The following RASGRF2 variants were observed in gnomAD, a reference collection of about 807,000 sequenced individuals.
The protein encoded by RASGRF2 is ras-specific guanine nucleotide-releasing factor 2.
A neutral mutation model predicts 151.0 loss-of-function variants in RASGRF2; 76 were observed. The observed-to-expected ratio is 0.50, with a 90% CI of 0.42 to 0.61. The LOEUF (loss-of-function observed/expected upper bound fraction) is 0.61. Among genes scored for constraint, RASGRF2 ranks in the 20% least tolerant of loss-of-function variants. RASGRF2 has a pLI of 0.00. For synonymous variants in RASGRF2, 504 were observed against 566.5 expected (o/e 0.89, Z 1.57); for missense variants, 1,148 against 1,564.6 (o/e 0.73, Z 4.49).
At chr5:81,177,724 A>G (rs1428765158) in intron 17 of RASGRF2, among the ~76,000 whole-genome samples, 1 of 152,094 alleles carries the variant, frequency 6.6e-6, no homozygotes, top group East Asian at 1.9e-4. Flanking sequence ...GCCGTGAGAT[A>G]TGTAATGGGG....
At chr5:81,162,454 T>G (rs1754406237) in intron 17 of RASGRF2, among the ~76,000 whole-genome samples, 1 of 152,136 alleles carries the variant, frequency 6.6e-6, no homozygotes, top group Admixed American at 6.6e-5. Context: ...TTCAAATGAT[T>G]CTCCTGCCTT....
In RASGRF2 at chr5:80,961,149, C is replaced by T. The variant is rs1029389899; in HGVS notation, c.288+123C>T. The T allele has an allele frequency of 1.0e-5, 12 of 1,150,560 alleles. No homozygotes were observed. The African/African-American group carries it at 1.6e-4, about 15-fold the overall frequency. The allele number at this position is 1,150,560 out of a possible 1,614,324, so 71.3% of individuals were successfully genotyped here. On this transcript the variant is annotated intron_variant, in intron 1 of 26. Transcript: ENST00000265080. ...GCGGGGACTATGCTCCGAAATCCCC[C>T]CGCGTCACCAGTGGCGGGACATCTC...
intron 18 of RASGRF2, among the ~76,000 whole-genome samples, chr5:81,190,686 A>G (rs1755136819): frequency 6.6e-6 from 1 of 152,188 alleles, no homozygotes; most frequent in African/African-American, 2.4e-5. Context: ...TGAACTATTT[A>G]CCAAAGTTTT....
intron 12 of RASGRF2, 57 bp downstream of exon 12, chr5:81,095,049 T>C (rs945894825): frequency 1.0e-5 from 13 of 1,285,796 alleles, no homozygotes; most frequent in Non-Finnish European, 1.3e-5. Flanking sequence ...CTCAAACTTT[T>C]GGAGATAGTT....
intron 1 of RASGRF2, among the ~76,000 whole-genome samples, chr5:81,024,249 A>ATTTTTTTTTTTTTTTTTTTTTTTTTT (rs397884951): frequency 1.5e-4 from 11 of 71,690 alleles, no homozygotes; most frequent in African/African-American, 3.2e-4. Context: ...TATTCATATA[A>ATTTTTTTTTTTTTTTTTTTTTTTTTT]TTTTTTTTTT....
intron 2 of RASGRF2, among the ~76,000 whole-genome samples, chr5:81,045,534 C>G (rs1308429135): frequency 6.6e-6 from 1 of 152,172 alleles, no homozygotes; most frequent in Non-Finnish European, 1.5e-5. Flanking sequence ...TTAGAAACCA[C>G]TTAAGTGGTT....
At chr5:81,133,223 G>C (rs1174563912) in intron 17 of RASGRF2, among the ~76,000 whole-genome samples, 1 of 152,204 alleles carries the variant, frequency 6.6e-6, no homozygotes, top group East Asian at 1.9e-4. Context: ...GTGGTGAGTA[G>C]AGCAGCATGA....
chr5:81,014,055 A>G (rs1045700415), intron 1 of RASGRF2, among the ~76,000 whole-genome samples: 1 of 151,956 alleles, frequency 6.6e-6, no homozygotes, highest in African/African-American at 2.4e-5. Flanking sequence ...ATATATGTGG[A>G]TAATAATCAG....
In RASGRF2 at chr5:81,076,645, C is replaced by T. The variant is rs951845090; in HGVS notation, c.887+3193C>T. Among the ~76,000 whole-genome samples the T allele has an allele frequency of 6.3e-4, 93 of 147,344 alleles. 2 individuals are homozygous for T. Among genetic ancestry groups the T allele is most frequent in the African/African-American group, 2.3e-3 (91 of 39,496 alleles). On this transcript the variant is annotated intron_variant, in intron 5 of 26. Coordinates refer to ENST00000265080, the MANE Select transcript of RASGRF2 (RefSeq NM_006909.3). Reference sequence around the variant, plus strand: ...AGAAAGAGGTGTGGAATAGTGATAACTAGGGCAGGGAAGGATTAGTACATG... The same window carrying T: ...AGAAAGAGGTGTGGAATAGTGATAATTAGGGCAGGGAAGGATTAGTACATG...
At chr5:81,079,650 T>G (rs1752031828) in intron 5 of RASGRF2, among the ~76,000 whole-genome samples, 1 of 152,220 alleles carries the variant, frequency 6.6e-6, no homozygotes, top group Admixed American at 6.5e-5. Flanking sequence ...CATTTCTGTC[T>G]TGGGTATCTT....
intron 2 of RASGRF2, among the ~76,000 whole-genome samples, chr5:81,061,827 C>CATGT (rs1358786401): frequency 1.3e-5 from 2 of 151,824 alleles, no homozygotes; most frequent in East Asian, 1.9e-4. Flanking sequence ...GCTGGGGCTA[C>CATGT]AGGTGCATGC....
chr5:81,182,099 A>T (rs1754928670), intron 18 of RASGRF2, among the ~76,000 whole-genome samples: 1 of 152,140 alleles, frequency 6.6e-6, no homozygotes. Flanking sequence ...GACCTGAGTG[A>T]CTGCAGCTGT....
intron 23 of RASGRF2, 96 bp downstream of exon 23, chr5:81,212,659 T>C: frequency 1.6e-6 from 2 of 1,212,796 alleles, no homozygotes; most frequent in Non-Finnish European, 2.2e-6. Context: ...AATCATTAAC[T>C]GAAATGAGCC....
intron 18 of RASGRF2, among the ~76,000 whole-genome samples, chr5:81,185,450 C>T (rs886083952): frequency 2.6e-5 from 4 of 152,128 alleles, no homozygotes; most frequent in Non-Finnish European, 4.4e-5. Context: ...CGTAGACAGA[C>T]GCTGGGTGAA....
intron 1 of RASGRF2, among the ~76,000 whole-genome samples, chr5:80,971,622 G>A (rs1182206332): frequency 6.7e-6 from 1 of 149,944 alleles, no homozygotes; most frequent in East Asian, 2.0e-4. Context: ...CTGGAATGCA[G>A]TGGCATGATC....
chr5:81,212,201 T>C (rs1383088066), intron 22 of RASGRF2, among the ~76,000 whole-genome samples, 165 bp from the exon 23 acceptor site: 1 of 152,260 alleles, frequency 6.6e-6, no homozygotes, highest in Non-Finnish European at 1.5e-5. Context: ...TTTATTCTTA[T>C]AGACTTTAGT....
At chr5:81,202,092 C>T (rs1486616604) in intron 19 of RASGRF2, among the ~76,000 whole-genome samples, 1 of 152,070 alleles carries the variant, frequency 6.6e-6, no homozygotes, top group Non-Finnish European at 1.5e-5. Context: ...GGGTAACAAG[C>T]TTTCTTATAG....
rs1041367953 is a variant in RASGRF2, at chr5:81,086,959, T to G, written c.1390+6T>G. ...CCAAACGTTCATCCGCCAAGGTAAGTCCCTGTGAAATGGACCCGCGACCTG... is the reference window on the plus strand; with the variant it reads ...CCAAACGTTCATCCGCCAAGGTAAGGCCCTGTGAAATGGACCCGCGACCTG... On this transcript the variant is annotated splice_donor_region_variant and intron_variant, in intron 9 of 26. Coordinates refer to ENST00000265080, the MANE Select transcript of RASGRF2 (RefSeq NM_006909.3). The G allele has an allele frequency of 8.1e-6, 13 of 1,609,704 alleles. No individual in the cohort carries two copies. The African/African-American group carries it at 1.5e-4, about 18-fold the overall frequency.
chr5:81,032,843 G>C (rs1440609654), intron 1 of RASGRF2, among the ~76,000 whole-genome samples: 1 of 152,164 alleles, frequency 6.6e-6, no homozygotes, highest in Non-Finnish European at 1.5e-5. Flanking sequence ...ATTAGGAAAA[G>C]AGGAAGTCAA....
Sources: gnomAD v4.1 joint callset for allele counts (sites outside exome capture counted in the v4.1 genomes callset) on GRCh38, gnomAD v4.1.1 for gene constraint, MANE v1.5 for transcripts, NCBI Gene and HGNC (gene_info 2026-07-23, HGNC 2026-07-21) for gene names.